The following SP140L variants were observed in gnomAD, a reference collection of about 807,000 sequenced individuals.
The protein encoded by SP140L is SP140 like nuclear body protein.
In SP140L, 64 loss-of-function variants were observed where a neutral mutation model predicts 84.3. The ratio of observed to expected loss-of-function variants is 0.76; its 90% CI spans 0.62 to 0.94. The LOEUF (loss-of-function observed/expected upper bound fraction) is 0.94, where lower values mean the gene tolerates loss of function less well. SP140L is among the 40% of genes least tolerant of loss of function. The pLI is 0.00. For synonymous variants in SP140L, 242 were observed against 236.9 expected (o/e 1.02, Z -0.20); for missense variants, 628 against 692.5 (o/e 0.91, Z 1.05).
At chr2:230,344,386 C>G (rs984866440) in intron 2 of SP140L, among the ~76,000 whole-genome samples, 2 of 152,112 alleles carry the variant, frequency 1.3e-5, no homozygotes, top group Admixed American at 1.3e-4. Flanking sequence ...TTCCTCCATC[C>G]CTTGGTTTTG....
intron 13 of SP140L, among the ~76,000 whole-genome samples, chr2:230,394,603 C>G (rs75468189): frequency 6.6e-6 from 1 of 151,996 alleles, no homozygotes; most frequent in Non-Finnish European, 1.5e-5. Flanking sequence ...AGTAACTCAG[C>G]CTGGGTGACC....
At chr2:230,371,229 G>A (rs1199720316) in intron 6 of SP140L, among the ~76,000 whole-genome samples, 1 of 152,190 alleles carries the variant, frequency 6.6e-6, no homozygotes, top group African/African-American at 2.4e-5. Flanking sequence ...GCATTAATAT[G>A]TTAAGTCACA....
At chr2:230,344,958 A>C (rs1010273275) in intron 2 of SP140L, among the ~76,000 whole-genome samples, 1 of 152,186 alleles carries the variant, frequency 6.6e-6, no homozygotes, top group African/African-American at 2.4e-5. Context: ...TGTACACTTG[A>C]GTAGAATATG....
At chr2:230,374,597 A>G (rs1359879847) in intron 7 of SP140L, among the ~76,000 whole-genome samples, 2 of 152,210 alleles carry the variant, frequency 1.3e-5, no homozygotes, top group Non-Finnish European at 2.9e-5. Flanking sequence ...CATGAAGTCC[A>G]TCAACACAGC....
chr2:230,349,883 C>T (rs2060315109), intron 2 of SP140L, among the ~76,000 whole-genome samples: 1 of 152,088 alleles, frequency 6.6e-6, no homozygotes, highest in African/African-American at 2.4e-5. Flanking sequence ...GTAGCACATG[C>T]CTGTAATTCC....
At chr2:230,350,213 A>G (rs1343164697) in intron 2 of SP140L, among the ~76,000 whole-genome samples, 1 of 152,176 alleles carries the variant, frequency 6.6e-6, no homozygotes, top group African/African-American at 2.4e-5. Flanking sequence ...TCTGAATTTT[A>G]TATACAAATG....
intron 7 of SP140L, among the ~76,000 whole-genome samples, chr2:230,380,323 A>G (rs985287470): frequency 6.6e-6 from 1 of 152,196 alleles, no homozygotes; most frequent in African/African-American, 2.4e-5. Flanking sequence ...TAAGGGAGCT[A>G]CAATTCAGGA....
intron 5 of SP140L, among the ~76,000 whole-genome samples, chr2:230,362,936 C>T (rs1355257240): frequency 6.6e-6 from 1 of 151,128 alleles, no homozygotes; most frequent in Non-Finnish European, 1.5e-5. Flanking sequence ...GCAACTCAGA[C>T]ACAGAATCCT....
chr2:230,373,389 G>A (rs1053196585), intron 7 of SP140L, among the ~76,000 whole-genome samples: 3 of 152,202 alleles, frequency 2.0e-5, no homozygotes, highest in African/African-American at 4.8e-5. Context: ...CTTGTTAGAG[G>A]CTAATGGAGC....
chr2:230,331,345 T>C (rs977882144), intron 2 of SP140L, among the ~76,000 whole-genome samples: 3 of 152,212 alleles, frequency 2.0e-5, no homozygotes, highest in African/African-American at 7.2e-5. Flanking sequence ...TGGTACTATC[T>C]GCAGTTTCAG....
At chr2:230,365,394 C>T (rs917351283) in intron 5 of SP140L, among the ~76,000 whole-genome samples, 1 of 151,924 alleles carries the variant, frequency 6.6e-6, no homozygotes, top group African/African-American at 2.4e-5. Flanking sequence ...AGGAATTTAC[C>T]CATTTCTTCT....
Position 230,402,940 on chromosome 2 carries a change from G to T in SP140L, c.*44G>T, listed in dbSNP as rs1331524879. Reference sequence around the variant, plus strand: ...AAGGCCTTCAGGAAATATGCTACTGGTTGCCACTGACTTCAAACTGAGAGC... The same window carrying T: ...AAGGCCTTCAGGAAATATGCTACTGTTTGCCACTGACTTCAAACTGAGAGC... On this transcript the variant is annotated 3_prime_UTR_variant, in exon 19 of 19. Transcript: ENST00000415673. 6 of 1,519,314 alleles carry T rather than the reference G, an allele frequency of 3.9e-6. No homozygotes were observed. The South Asian group carries it at 7.2e-5, about 18-fold the overall frequency. The allele number at this position is 1,519,314 out of a possible 1,614,324, so 94.1% of individuals were successfully genotyped here. A position where few individuals can be genotyped will look rare whatever the true frequency, so the allele number is the denominator to read the frequency against.
At position 230,359,073 on chromosome 2, in the gene SP140L, G is replaced by A. The variant is rs1277412471; in HGVS notation, c.380G>A (p.Ser127Asn). Residue 127 changes from serine (S) to asparagine (N), a missense_variant, in exon 4 of 19, where the codon AGC (serine) becomes AAC (asparagine). By Grantham distance (46) the Ser-to-Asn change is conservative. Around this residue, in one of 4 missense-constraint regions of SP140L, gnomAD observed 525 missense variants for 518.4 expected, o/e 1.01. Coordinates refer to ENST00000415673, the MANE Select transcript of SP140L (RefSeq NM_138402.6). ...FNLSVLEALF[S>N]EVNMQEYPDL... ...CTGTCAGTTTTGGAAGCACTGTTCA[G>A]CGAGGTCAACATGCAGGAATACCCC... 1 of 1,613,380 alleles carries A rather than the reference G, an allele frequency of 6.2e-7. No homozygotes were observed. The highest frequency in any genetic ancestry group is 8.5e-7 in the Non-Finnish European group (1 of 1,179,856).
chr2:230,362,383 A>G (rs936871355), intron 5 of SP140L, among the ~76,000 whole-genome samples: 3 of 152,078 alleles, frequency 2.0e-5, no homozygotes, highest in Non-Finnish European at 4.4e-5. Context: ...ATCACAGGAG[A>G]TAATTGGTGA....
rs751260468 is a variant in SP140L at position 230,393,449 on chromosome 2, C to T, written c.1143C>T (p.Tyr381=). 1.9e-6 allele frequency: 3 copies of T among 1,578,306 alleles called. No individual in the cohort carries two copies. Among genetic ancestry groups the T allele is most frequent in the Non-Finnish European group, 8.6e-7 (1 of 1,164,464 alleles). The change falls in exon 13 of 19, where the codon TAC becomes TAT. Residue 381 remains tyrosine, a synonymous_variant. Transcript: ENST00000415673. The part of the protein sequence containing the change: ...GSLPNPPRIY[Y]RNKKRILKSQ... ...TACCTAATCCTCCAAGAATATATTA[C>T]AGGAACAAAAAGGTGATTATTACAT...
chr2:230,377,578 A>G (rs751766620), intron 7 of SP140L, among the ~76,000 whole-genome samples: 1 of 152,170 alleles, frequency 6.6e-6, no homozygotes. Context: ...AGTTTCAGCT[A>G]TTACAAATAA....
At chr2:230,345,401 A>T (rs938389359) in intron 2 of SP140L, among the ~76,000 whole-genome samples, 1 of 152,180 alleles carries the variant, frequency 6.6e-6, no homozygotes, top group Non-Finnish European at 1.5e-5. Flanking sequence ...TAAACCTACC[A>T]TGAGTCTCTT....
chr2:230,327,560 C>T (rs1350410784), intron 1 of SP140L, among the ~76,000 whole-genome samples: 13 of 152,126 alleles, frequency 8.5e-5, no homozygotes, highest in African/African-American at 2.9e-4. Flanking sequence ...GCTCAGCTGG[C>T]GGGGACACTC....
At chr2:230,336,236 C>T (rs2059878514) in intron 2 of SP140L, among the ~76,000 whole-genome samples, 1 of 152,174 alleles carries the variant, frequency 6.6e-6, no homozygotes, top group Non-Finnish European at 1.5e-5. Context: ...GGGTCCACAG[C>T]CAGTCAAGTT....
Sources: allele counts gnomAD v4.1 joint callset (sites outside exome capture counted in the v4.1 genomes callset), GRCh38; gene constraint gnomAD v4.1.1; regional missense constraint gnomAD v4.1.1; transcripts MANE v1.5; gene names NCBI Gene and HGNC (gene_info 2026-07-23, HGNC 2026-07-21).